SLK: variants seen among roughly 807,000 people sequenced by gnomAD.
SLK encodes the protein STE20 like kinase.
SLK carries 67 observed loss-of-function variants against 147.7 expected under a neutral mutation model. That is an observed-to-expected ratio of 0.45 (90% CI 0.37 to 0.56). The LOEUF is 0.56. Ranked by LOEUF, SLK falls within the 20% of genes least tolerant of loss-of-function variation. The pLI, the probability that SLK is intolerant of heterozygous loss-of-function variation, is 0.00. For synonymous variants in SLK, 441 were observed against 475.0 expected (o/e 0.93, Z 0.93); for missense variants, 1,136 against 1,438.8 (o/e 0.79, Z 3.41).
chr10:103,999,964 A>T lies in SLK; in HGVS notation c.864+16A>T. On this transcript the variant is annotated intron_variant, in intron 7 of 18. Coordinates refer to ENST00000369755, the MANE Select transcript of SLK (RefSeq NM_014720.4). Reference sequence around the variant, plus strand: ...GCTGCTGCAGGTAAGAGAGTATGACAACAGCAAATAATATAATTATTTTAA... The same window carrying T: ...GCTGCTGCAGGTAAGAGAGTATGACTACAGCAAATAATATAATTATTTTAA... 9.1e-7 allele frequency: 1 copy of T among 1,100,866 alleles called. No individual in the cohort carries two copies. The highest frequency in any genetic ancestry group is 1.3e-6 in the Non-Finnish European group (1 of 754,130). The allele number at this position is 1,100,866 out of a possible 1,614,324, so 68.2% of individuals were successfully genotyped here.
At chr10:104,003,667 G>T in intron 9 of SLK, 140 bp downstream of exon 9, 1 of 759,344 alleles carries the variant, frequency 1.3e-6, no homozygotes. Flanking sequence ...GCCTATGAAA[G>T]CAATTAAAAA....
At position 104,002,845 on chromosome 10, in the gene SLK, A is replaced by C; in HGVS notation, c.1667A>C (p.Asp556Ala). ...GTGATAGGAACATGTGAGGCAGCAGATGTGGCTCAGAAAGTGGATGAAGAC... is the reference window on the plus strand; with the variant it reads ...GTGATAGGAACATGTGAGGCAGCAGCTGTGGCTCAGAAAGTGGATGAAGAC... Reference protein sequence around the residue: ...SDVIGTCEAADVAQKVDEDSA... With the variant: ...SDVIGTCEAAAVAQKVDEDSA... Residue 556 changes from aspartate (D) to alanine (A), a missense_variant, in exon 9 of 19, where the codon GAT becomes GCT. Physicochemically the swap from Asp to Ala is moderately radical, Grantham distance 126 (BLOSUM62 -2). Around this residue, in one of 6 missense-constraint regions of SLK, gnomAD observed 516 missense variants for 531.3 expected, o/e 0.97. Transcript: ENST00000369755. 8 of 1,614,114 alleles carry C rather than the reference A, an allele frequency of 5.0e-6. No individual in the cohort carries two copies. Among genetic ancestry groups the C allele is most frequent in the Non-Finnish European group, 6.8e-6 (8 of 1,179,970 alleles).
Position 103,970,717 on chromosome 10 carries a change from T to G in SLK, c.150+2822T>G, listed in dbSNP as rs2134438068. On this transcript the variant is annotated intron_variant, in intron 1 of 18. Transcript: ENST00000369755. ...AACCTTAACATAGTACGTAGTAGTA[T>G]GTAGTAGAAAACTGTTTATAAACTT... 1.3e-5 allele frequency among the ~76,000 whole-genome samples: 2 copies of G among 152,330 alleles called. 1 individual carries two copies. Among genetic ancestry groups the G allele is most frequent in the South Asian group, 4.1e-4 (2 of 4,828 alleles).
At chr10:104,023,008 C>T (rs947327122) in intron 18 of SLK, among the ~76,000 whole-genome samples, 7 of 152,162 alleles carry the variant, frequency 4.6e-5, no homozygotes, top group African/African-American at 9.7e-5. Context: ...GAATTGTAAA[C>T]GGTGTAAAAT....
chr10:103,970,030 T>A (rs1274344043), intron 1 of SLK, among the ~76,000 whole-genome samples: 3 of 152,202 alleles, frequency 2.0e-5, no homozygotes, highest in African/African-American at 7.2e-5. Context: ...ATAACTTAGC[T>A]CTCTCACTCA....
intron 17 of SLK, 147 bp downstream of exon 17, chr10:104,020,760 T>C: frequency 1.3e-6 from 1 of 753,630 alleles, no homozygotes; most frequent in South Asian, 2.0e-5. Context: ...CAGATCCAAA[T>C]GAAGATCAGT....
chr10:104,014,240 A>G (rs1161656965), intron 13 of SLK, among the ~76,000 whole-genome samples: 1 of 152,244 alleles, frequency 6.6e-6, no homozygotes, highest in African/African-American at 2.4e-5. Flanking sequence ...CCATGTTAAA[A>G]GTAGTGATTT....
chr10:103,970,322 A>G (rs913174956), intron 1 of SLK, among the ~76,000 whole-genome samples: 3 of 152,186 alleles, frequency 2.0e-5, no homozygotes, highest in Non-Finnish European at 4.4e-5. Context: ...TTCTTTCATG[A>G]CACTTTCTGC....
At chr10:103,984,205 G>A (rs902852134) in intron 1 of SLK, among the ~76,000 whole-genome samples, 2 of 152,184 alleles carry the variant, frequency 1.3e-5, no homozygotes, top group South Asian at 2.1e-4. Context: ...TACTATATAC[G>A]ATAACATACT....
chr10:103,969,351 T>G (rs1329121693), intron 1 of SLK, among the ~76,000 whole-genome samples: 1 of 152,204 alleles, frequency 6.6e-6, no homozygotes, highest in African/African-American at 2.4e-5. Context: ...TCCTCATTCT[T>G]TATCCAGGCT....
At chr10:103,999,691 G>A (rs1463615568) in intron 6 of SLK, among the ~76,000 whole-genome samples, 176 bp from the exon 7 acceptor site, 1 of 152,064 alleles carries the variant, frequency 6.6e-6, no homozygotes, top group African/African-American at 2.4e-5. Flanking sequence ...TGTCTAACAT[G>A]TATTTACAGA....
At chr10:104,005,321 G>T (rs1382444864) in intron 9 of SLK, among the ~76,000 whole-genome samples, 2 of 152,134 alleles carry the variant, frequency 1.3e-5, no homozygotes, top group African/African-American at 4.8e-5. Context: ...TGATCAAAAT[G>T]CATACTTTGA....
chr10:104,002,865 G>A lies in SLK; in HGVS notation c.1687G>A (p.Glu563Lys), dbSNP rs749849309. 3 of 1,614,118 alleles carry A rather than the reference G, an allele frequency of 1.9e-6. No individual in the cohort carries two copies. The Admixed American group carries it at 5.0e-5, about 27-fold the overall frequency. ...AGCAGATGTGGCTCAGAAAGTGGAT[G>A]AAGACAGTGCTGAGGATACGCAGAG... ...EAADVAQKVDEDSAEDTQSND... is the reference protein window; with the variant it reads ...EAADVAQKVDKDSAEDTQSND... Residue 563 changes from glutamate (E) to lysine (K), a missense_variant, in exon 9 of 19, where the codon GAA becomes AAA. Transcript: ENST00000369755.
At chr10:103,977,476 A>C (rs1382129661) in intron 1 of SLK, among the ~76,000 whole-genome samples, 1 of 152,158 alleles carries the variant, frequency 6.6e-6, no homozygotes, top group Non-Finnish European at 1.5e-5. Context: ...TTAGCTGGGC[A>C]TGATGGCACT....
Position 103,986,516 on chromosome 10 carries a change from C to T in SLK, c.151-4159C>T, listed in dbSNP as rs146712909. ...TGGTATTGTGAGCAATGGGGAGTGG[C>T]TCTGAATACAGATGAAGCTTTGCTT... On this transcript the variant is annotated intron_variant, in intron 1 of 18. Transcript: ENST00000369755. Among the ~76,000 whole-genome samples, 16 of 152,250 alleles carry T rather than the reference C, an allele frequency of 1.1e-4. No individual in the cohort carries two copies. In the East Asian group the frequency reaches 2.3e-3, roughly 22 times the overall value.
chr10:103,995,802 A>G (rs532549947), intron 4 of SLK, among the ~76,000 whole-genome samples: 57 of 152,258 alleles, frequency 3.7e-4, no homozygotes, highest in African/African-American at 1.3e-3. Flanking sequence ...CTGGTGTAAG[A>G]GATGCTTGCA....
intron 2 of SLK, among the ~76,000 whole-genome samples, 194 bp from the exon 3 acceptor site, chr10:103,992,404 T>C (rs1438102132): frequency 6.6e-6 from 1 of 152,000 alleles, no homozygotes; most frequent in Non-Finnish European, 1.5e-5. Flanking sequence ...GCTTTCACAG[T>C]GGGCTTTATC....
chr10:104,020,211 A>G (rs1204295305), intron 16 of SLK, among the ~76,000 whole-genome samples: 1 of 152,198 alleles, frequency 6.6e-6, no homozygotes, highest in Non-Finnish European at 1.5e-5. Context: ...ACAACTTTTC[A>G]AGTCAAGATA....
At chr10:104,022,352 C>G (rs1472075030) in intron 18 of SLK, among the ~76,000 whole-genome samples, 2 of 152,152 alleles carry the variant, frequency 1.3e-5, no homozygotes, top group Non-Finnish European at 2.9e-5. Flanking sequence ...TCTTCTCTGT[C>G]TCACCCCTTT....
Sources: gnomAD v4.1 joint callset for allele counts (sites outside exome capture counted in the v4.1 genomes callset) on GRCh38, gnomAD v4.1.1 for gene constraint, gnomAD v4.1.1 regional missense constraint, MANE v1.5 for transcripts, NCBI Gene and HGNC (gene_info 2026-07-23, HGNC 2026-07-21) for gene names.